The following ZFHX3 variants were observed in gnomAD, a reference collection of about 807,000 sequenced individuals.
The protein encoded by ZFHX3 is zinc finger homeobox 3.
Under a neutral mutation model 279.1 loss-of-function variants are expected in ZFHX3, and 42 were observed. The observed-to-expected ratio is 0.15, with a 90% CI of 0.12 to 0.19. The LOEUF is 0.19. Among genes scored for constraint, ZFHX3 ranks in the 10% least tolerant of loss-of-function variants. The pLI, the probability that ZFHX3 is intolerant of heterozygous loss-of-function variation, is 1.00. For missense variants in ZFHX3, 4,981 were observed against 4,754.0 expected (o/e 1.05, Z -1.40); for synonymous variants, 2,293 against 1,957.8 (o/e 1.17, Z -4.52).
chr16:73,434,558 C>T lies in ZFHX3; in HGVS notation c.-1291+21445G>A, dbSNP rs116149428. ...GAAATTTCAAGTTCCTGGCTTCTCT[C>T]CCTACCCCTTTCCACTTGACTTTGT... On this transcript the variant is annotated intron_variant, in intron 3 of 17. Coordinates refer to the ZFHX3 transcript ENST00000641206. Among the ~76,000 whole-genome samples the T allele has an allele frequency of 8.5e-3, 1,301 of 152,256 alleles. 13 individuals carry two copies. Among genetic ancestry groups the T allele is most frequent in the African/African-American group, 0.026 (1,062 of 41,546 alleles).
intron 1 of ZFHX3, among the ~76,000 whole-genome samples, chr16:73,718,807 G>C (rs1040579339): frequency 7.9e-5 from 12 of 151,774 alleles, no homozygotes; most frequent in African/African-American, 2.9e-4. Context: ...ATAGAGACGG[G>C]GTTTCGCCAT....
At chr16:73,705,729 C>G (rs1442335607) in intron 1 of ZFHX3, among the ~76,000 whole-genome samples, 1 of 152,154 alleles carries the variant, frequency 6.6e-6, no homozygotes, top group East Asian at 1.9e-4. Flanking sequence ...TCTCTCCACT[C>G]CACAAATCAT....
intron 1 of ZFHX3, among the ~76,000 whole-genome samples, chr16:73,056,733 T>C (rs1180099252): frequency 6.6e-6 from 1 of 152,170 alleles, no homozygotes; most frequent in Non-Finnish European, 1.5e-5. Flanking sequence ...AAATTTACAG[T>C]AAATGTAGGT....
At chr16:73,794,885 C>G (rs1356222327) in intron 1 of ZFHX3, among the ~76,000 whole-genome samples, 1 of 152,162 alleles carries the variant, frequency 6.6e-6, no homozygotes, top group Non-Finnish European at 1.5e-5. Context: ...TACAGAAGTT[C>G]TCAGTTCATG....
intron 1 of ZFHX3, among the ~76,000 whole-genome samples, chr16:73,763,535 G>A (rs201254283): frequency 2.0e-5 from 3 of 152,052 alleles, no homozygotes; most frequent in African/African-American, 2.4e-5. Flanking sequence ...TGGAGTTAAC[G>A]GTGACATTTT....
At chr16:73,044,018 TGAGTGGCCTGAG>T (rs1378644786) in intron 1 of ZFHX3, among the ~76,000 whole-genome samples, 4 of 152,206 alleles carry the variant, frequency 2.6e-5, no homozygotes, top group African/African-American at 9.7e-5. Context: ...TTTCTCAATC[TGAGTGGCCTGAG>T]GACACAGGAC....
intron 3 of ZFHX3, among the ~76,000 whole-genome samples, chr16:73,351,961 A>T (rs1373099726): frequency 6.6e-6 from 1 of 152,252 alleles, no homozygotes; most frequent in African/African-American, 2.4e-5. Flanking sequence ...TAGATCCATT[A>T]TAAAGGGTAT....
chr16:73,452,086 G>A (rs1448363180), intron 3 of ZFHX3, among the ~76,000 whole-genome samples: 2 of 152,076 alleles, frequency 1.3e-5, no homozygotes, highest in Non-Finnish European at 2.9e-5. Flanking sequence ...CAGTGGGAGA[G>A]GCAGAAAAAG....
At position 73,131,270 on chromosome 16, in the gene ZFHX3, T is replaced by TA. The variant is rs200263974; in HGVS notation, c.-1023-177dup. Among the ~76,000 whole-genome samples, 23 of 151,994 alleles carry TA rather than the reference T, an allele frequency of 1.5e-4. No individual in the cohort carries two copies. In the East Asian group the frequency reaches 2.9e-3, roughly 19 times the overall value. ...AATGAATGCCTAAATATAAATCATTTAAAAAAAACAACTGCCTTTGTGAAG... is the reference window on the plus strand; with the variant it reads ...AATGAATGCCTAAATATAAATCATTTAAAAAAAAACAACTGCCTTTGTGAAG... On this transcript the variant is annotated intron_variant, in intron 6 of 17. Transcript: ENST00000641206.
intron 1 of ZFHX3, among the ~76,000 whole-genome samples, chr16:73,802,120 G>A (rs952967178): frequency 5.3e-5 from 8 of 152,120 alleles, no homozygotes; most frequent in African/African-American, 1.7e-4. Flanking sequence ...CCCGGGCTGT[G>A]GAAACTGTGC....
chr16:73,653,620 T>C (rs1397170907), intron 2 of ZFHX3, among the ~76,000 whole-genome samples: 1 of 150,248 alleles, frequency 6.7e-6, no homozygotes, highest in Admixed American at 6.6e-5. Flanking sequence ...TTCGGAAAAG[T>C]TATGAAGGGC....
intron 2 of ZFHX3, among the ~76,000 whole-genome samples, chr16:73,575,950 C>T (rs1017214967): frequency 1.5e-4 from 23 of 152,164 alleles, no homozygotes; most frequent in African/African-American, 5.6e-4. Context: ...GAGATGTACA[C>T]ACAAAATGGA....
At chr16:73,644,255 C>T (rs2052598466) in intron 2 of ZFHX3, among the ~76,000 whole-genome samples, 1 of 152,114 alleles carries the variant, frequency 6.6e-6, no homozygotes. Flanking sequence ...TCTGAAGCTC[C>T]AGGGCATAGT....
intron 2 of ZFHX3, among the ~76,000 whole-genome samples, chr16:73,553,124 A>G (rs2020225251): frequency 6.6e-6 from 1 of 151,900 alleles, no homozygotes; most frequent in South Asian, 2.1e-4. Flanking sequence ...AAACATGGAC[A>G]TTTTACTCCA....
In ZFHX3 at chr16:73,047,860, A is replaced by G. The variant is rs1030144241; in HGVS notation, c.-158T>C. On this transcript the variant is annotated 5_prime_UTR_variant, in exon 1 of 10. Coordinates refer to ENST00000268489, the MANE Select transcript of ZFHX3 (RefSeq NM_006885.4). ...AAATTCCAGTGGCACCCGAGCCCCGAGCTCACCCACCCCAGGCGGCATGCT... is the reference window on the plus strand; with the variant it reads ...AAATTCCAGTGGCACCCGAGCCCCGGGCTCACCCACCCCAGGCGGCATGCT... 2.6e-5 allele frequency: 4 copies of G among 152,302 alleles called. No individual in the cohort carries two copies. The highest frequency in any genetic ancestry group is 9.7e-5 in the African/African-American group (4 of 41,398). The allele number at this position is 152,302 out of a possible 1,614,324, so 9.4% of individuals were successfully genotyped here. A position where few individuals can be genotyped will look rare whatever the true frequency, so the allele number is the denominator to read the frequency against.
chr16:73,545,758 C>G (rs962809984), intron 2 of ZFHX3, among the ~76,000 whole-genome samples: 1 of 145,490 alleles, frequency 6.9e-6, no homozygotes, highest in Non-Finnish European at 1.5e-5. Flanking sequence ...GGTCAGGAAA[C>G]AGAGGCAGAA....
intron 4 of ZFHX3, among the ~76,000 whole-genome samples, chr16:73,300,813 T>A (rs1194031841): frequency 2.6e-5 from 4 of 152,202 alleles, no homozygotes; most frequent in African/African-American, 4.8e-5. Context: ...CTAGTCCTCT[T>A]TGACTTTGCA....
chr16:73,601,330 T>C (rs7206860), intron 2 of ZFHX3, among the ~76,000 whole-genome samples: 120,841 of 145,626 alleles, frequency 0.83, 50,410 homozygotes, highest in East Asian at 0.99. Flanking sequence ...ATTAGCTGGG[T>C]GTGGTGGCAC....
At chr16:72,957,318 C>T in intron 2 of ZFHX3, 109 bp downstream of exon 2, 4 of 1,354,686 alleles carry the variant, frequency 3.0e-6, no homozygotes, top group Non-Finnish European at 4.0e-6. Context: ...ACAAAAACCA[C>T]TCGAGAAGAC....
Sources: gnomAD v4.1 joint callset for allele counts (sites outside exome capture counted in the v4.1 genomes callset) on GRCh38, gnomAD v4.1.1 for gene constraint, MANE v1.5 for transcripts, NCBI Gene and HGNC (gene_info 2026-07-23, HGNC 2026-07-21) for gene names.